Variants in MANBA observed in about 807,000 individuals in gnomAD.
The protein encoded by MANBA is beta-mannosidase.
MANBA carries 83 observed loss-of-function variants against 111.1 expected under a neutral mutation model. The observed-to-expected ratio is 0.75, with a 90% confidence interval of 0.63 to 0.90. MANBA has a LOEUF of 0.90. Among genes scored for constraint, MANBA ranks in the 40% least tolerant of loss-of-function variants. The probability of loss-of-function intolerance (pLI) is 0.00; values close to 1 mark genes in which losing one functional copy is unlikely to be tolerated. For synonymous variants in MANBA, 370 were observed against 378.7 expected, an observed-to-expected ratio of 0.98 and a Z score of 0.27; for missense variants, 1,036 against 1,069.0, an observed-to-expected ratio of 0.97 and a Z score of 0.43.
At chr4:102,748,062 A>G (rs1716884475) in intron 1 of MANBA, among the ~76,000 whole-genome samples, 1 of 152,232 alleles carries the variant, frequency 6.6e-6, no homozygotes, top group Non-Finnish European at 1.5e-5. Context: ...CTGGGCAGCT[A>G]CATGGTTCCA....
Position 102,683,142 on chromosome 4 carries a change from T to G in MANBA, c.960+6432A>C, listed in dbSNP as rs192035561. 1.4e-4 allele frequency among the ~76,000 whole-genome samples: 21 copies of G among 151,564 alleles called. No homozygotes were observed. The East Asian group carries it at 1.5e-3, about 11-fold the overall frequency. Reference sequence around the variant, plus strand: ...CAATTTGCAAAGATGAAGACAGGAATTTAAGAAACAAAGAACAAAGTGACA... The same window carrying G: ...CAATTTGCAAAGATGAAGACAGGAAGTTAAGAAACAAAGAACAAAGTGACA... On this transcript the variant is annotated intron_variant, in intron 7 of 16. Coordinates refer to ENST00000647097, the MANE Select transcript of MANBA (RefSeq NM_005908.4).
chr4:102,711,467 C>T (rs993013898), intron 5 of MANBA, among the ~76,000 whole-genome samples: 3 of 152,010 alleles, frequency 2.0e-5, no homozygotes, highest in African/African-American at 7.3e-5. Flanking sequence ...ATAATAGATG[C>T]TGGAGAGGAT....
intron 1 of MANBA, among the ~76,000 whole-genome samples, chr4:102,740,724 G>A (rs913013659): frequency 1.3e-5 from 2 of 152,014 alleles, no homozygotes; most frequent in African/African-American, 4.8e-5. Context: ...AAATGATGCT[G>A]GGATAATTGG....
intron 7 of MANBA, among the ~76,000 whole-genome samples, chr4:102,679,377 T>C (rs1388575716): frequency 2.6e-5 from 4 of 152,156 alleles, no homozygotes; most frequent in Non-Finnish European, 1.5e-5. Flanking sequence ...AAATGAATAA[T>C]GATAATGTCC....
chr4:102,734,178 G>T (rs1045841288), intron 1 of MANBA, among the ~76,000 whole-genome samples: 1 of 152,264 alleles, frequency 6.6e-6, no homozygotes, highest in Non-Finnish European at 1.5e-5. Flanking sequence ...GAATGTTGAA[G>T]AATGGGATGC....
At position 102,639,690 on chromosome 4, in the gene MANBA, A is replaced by T. The variant is rs1578860386; in HGVS notation, c.2014+23T>A. ...CACAGTGTTGCTTTCTCTCACTCGC[A>T]CAAAGAACGCTGAAATGCTTACCAA... On this transcript the variant is annotated intron_variant, in intron 14 of 16. Coordinates refer to ENST00000647097, the MANE Select transcript of MANBA (RefSeq NM_005908.4). 3 of 1,614,022 alleles carry T rather than the reference A, an allele frequency of 1.9e-6. No individual in the cohort carries two copies. In the South Asian group the frequency reaches 3.3e-5, roughly 18 times the overall value.
intron 14 of MANBA, 138 bp downstream of exon 14, chr4:102,639,575 G>T: frequency 2.6e-6 from 3 of 1,166,476 alleles, no homozygotes; most frequent in Non-Finnish European, 3.7e-6. Context: ...TAGTTCCTAG[G>T]CAGGCTTTTT....
chr4:102,755,000 G>C lies in MANBA; in HGVS notation c.177+5718C>G, dbSNP rs147581609. On this transcript the variant is annotated intron_variant, in intron 1 of 16. Transcript: ENST00000647097. Reference sequence around the variant, plus strand: ...ACAAACAAATGCAAGAACATTCCATGCTCATGGATAGGAAGAATTAATATC... The same window carrying C: ...ACAAACAAATGCAAGAACATTCCATCCTCATGGATAGGAAGAATTAATATC... 9.9e-3 allele frequency among the ~76,000 whole-genome samples: 1,514 copies of C among 152,278 alleles called. 18 individuals are homozygous for C. The highest frequency in any genetic ancestry group is 0.033 in the African/African-American group (1,372 of 41,550).
chr4:102,661,666 A>G (rs1730962272), intron 11 of MANBA, among the ~76,000 whole-genome samples: 1 of 152,256 alleles, frequency 6.6e-6, no homozygotes, highest in South Asian at 2.1e-4. Context: ...TAAAATTACA[A>G]ACAAGTCTCT....
At chr4:102,671,911 T>C (rs528621870) in intron 8 of MANBA, 3 of 416,340 alleles carry the variant, frequency 7.2e-6, no homozygotes, top group African/African-American at 2.0e-5. Context: ...TGAGAGCATG[T>C]ACCTTCCCTC....
intron 7 of MANBA, among the ~76,000 whole-genome samples, chr4:102,675,424 T>G (rs1284369545): frequency 1.3e-5 from 2 of 152,208 alleles, no homozygotes; most frequent in Non-Finnish European, 2.9e-5. Flanking sequence ...TTTCAGAGAT[T>G]AACTCAGTTT....
intron 5 of MANBA, among the ~76,000 whole-genome samples, chr4:102,700,208 C>T (rs1362734236): frequency 2.6e-5 from 4 of 151,436 alleles, no homozygotes; most frequent in Admixed American, 2.6e-4. Flanking sequence ...GGTGATATCC[C>T]CTTTATCATT....
At chr4:102,634,418 T>C (rs958590385) in intron 16 of MANBA, among the ~76,000 whole-genome samples, 5 of 152,182 alleles carry the variant, frequency 3.3e-5, no homozygotes, top group African/African-American at 4.8e-5. Context: ...ATGCAGATGA[T>C]AATGCCTGGA....
At chr4:102,735,895 G>T (rs1315105128) in intron 1 of MANBA, among the ~76,000 whole-genome samples, 9 of 152,166 alleles carry the variant, frequency 5.9e-5, no homozygotes, top group Admixed American at 5.2e-4. Context: ...TTCCTGAGGT[G>T]CCACAACTAA....
At chr4:102,737,685 T>A (rs530629948) in intron 1 of MANBA, among the ~76,000 whole-genome samples, 1 of 152,216 alleles carries the variant, frequency 6.6e-6, no homozygotes, top group South Asian at 2.1e-4. Context: ...GGTTTCATCG[T>A]GTTAGCCAGG....
chr4:102,723,863 T>C lies in MANBA; in HGVS notation c.377A>G (p.Tyr126Cys). 6.4e-7 allele frequency: 1 copy of C among 1,551,658 alleles called. No homozygotes were observed. The highest frequency in any genetic ancestry group is 1.1e-5 in the South Asian group (1 of 89,208). The change falls in exon 3 of 17, where the codon TAT becomes TGT. Residue 126 changes from tyrosine (Y) to cysteine (C), a missense_variant and splice_region_variant. Coordinates refer to ENST00000647097, the MANE Select transcript of MANBA (RefSeq NM_005908.4). ...AACCTAATGTCATTATATACTTACATATCTATTGAACATATTGTCTGTTTC... is the reference window on the plus strand; with the variant it reads ...AACCTAATGTCATTATATACTTACACATCTATTGAACATATTGTCTGTTTC... The part of the protein sequence containing the change: ...IGETDNMFNR[Y>C]SFDITNVVRD...
At chr4:102,642,359 G>A (rs1729913666) in intron 13 of MANBA, among the ~76,000 whole-genome samples, 1 of 152,212 alleles carries the variant, frequency 6.6e-6, no homozygotes, top group African/African-American at 2.4e-5. Context: ...TGTAATCCCA[G>A]CACTTTGGGA....
In MANBA at chr4:102,705,327, C is replaced by T. The variant is rs566079981; in HGVS notation, c.673+9111G>A. On this transcript the variant is annotated intron_variant, in intron 5 of 16. Transcript: ENST00000647097. ...TTGCTCCAGAGAGGGAGCTCCTAAG[C>T]GGTTAAAGCAAGGCACCATTTTGAG... 9.8e-5 allele frequency among the ~76,000 whole-genome samples: 15 copies of T among 152,292 alleles called. No individual in the cohort carries two copies. The South Asian group carries it at 1.0e-3, about 11-fold the overall frequency.
chr4:102,756,339 C>T (rs1724015800), intron 1 of MANBA, among the ~76,000 whole-genome samples: 1 of 152,144 alleles, frequency 6.6e-6, no homozygotes, highest in Non-Finnish European at 1.5e-5. Context: ...ATGGATGAAG[C>T]TGCAAACCAT....
Sources: gnomAD v4.1 joint callset for allele counts (sites outside exome capture counted in the v4.1 genomes callset) on GRCh38, gnomAD v4.1.1 for gene constraint, MANE v1.5 for transcripts, NCBI Gene and HGNC (gene_info 2026-07-23, HGNC 2026-07-21) for gene names.